Variants in CGGBP1 observed in about 807,000 individuals in gnomAD.
CGGBP1 encodes the protein CGG triplet repeat binding protein 1.
Under a neutral mutation model 11.4 loss-of-function variants are expected in CGGBP1, and 4 were observed. That is an observed-to-expected ratio of 0.35 (90% CI 0.17 to 0.80). The LOEUF (loss-of-function observed/expected upper bound fraction) is 0.80, where lower values mean the gene tolerates loss of function less well. Among genes scored for constraint, CGGBP1 ranks in the 30% least tolerant of loss-of-function variants. The pLI, the probability that CGGBP1 is intolerant of heterozygous loss-of-function variation, is 0.52. For missense variants in CGGBP1, 135 were observed against 202.1 expected, an observed-to-expected ratio of 0.67 and a Z score of 2.01; for synonymous variants, 76 against 74.1, an observed-to-expected ratio of 1.03 and a Z score of -0.13.
upstream of CGGBP1, among the ~76,000 whole-genome samples, chr3:88,062,944 T>C (rs1033320046): frequency 2.0e-5 from 3 of 152,234 alleles, no homozygotes; most frequent in African/African-American, 7.2e-5. Context: ...AATTTGTGTT[T>C]CGCAGTAAAC....
chr3:88,075,216 T>G (rs1392221249), intron 2 of CGGBP1, among the ~76,000 whole-genome samples: 5 of 152,250 alleles, frequency 3.3e-5, no homozygotes, highest in African/African-American at 1.2e-4. Context: ...TGGCACCACT[T>G]CTACTAGCTG....
Position 88,055,322 on chromosome 3 carries a change from G to GT in CGGBP1, c.*150dup, listed in dbSNP as rs878955184. 6,451 of 565,650 alleles carry GT rather than the reference G, an allele frequency of 0.011. 1 individual carries two copies. Among genetic ancestry groups the GT allele is most frequent in the East Asian group, 0.021 (571 of 27,082 alleles). 35.0% of individuals were successfully genotyped at this position (565,650 alleles called of 1,614,324 possible). On this transcript the variant is annotated 3_prime_UTR_variant, in exon 4 of 4. Coordinates refer to ENST00000482016, the MANE Select transcript of CGGBP1 (RefSeq NM_001008390.2). The surrounding 1 kb of genome is among the most constrained non-coding windows in gnomAD (Gnocchi z 4.2). ...TAACAATAAGTTTTGCAGTGAGGTGGTTTTTTTTTTGCCTGCAACTATATA... is the reference window on the plus strand; with the variant it reads ...TAACAATAAGTTTTGCAGTGAGGTGGTTTTTTTTTTTGCCTGCAACTATATA...
chr3:88,131,470 T>C lies in CGGBP1; in HGVS notation c.-229+9500A>G, dbSNP rs1345278628. On this transcript the variant is annotated intron_variant, in intron 2 of 3. Transcript: ENST00000462901. ...ACTATTTAAACAGGGTATCTTTAGT[T>C]CTTTCATTGTAATATACTCATAAAT... Among the ~76,000 whole-genome samples, 16 of 152,304 alleles carry C rather than the reference T, an allele frequency of 1.1e-4. No individual in the cohort carries two copies. In the South Asian group the frequency reaches 2.9e-3, roughly 28 times the overall value.
intron 2 of CGGBP1, among the ~76,000 whole-genome samples, chr3:88,072,027 G>T (rs1435393860): frequency 1.3e-5 from 2 of 152,054 alleles, no homozygotes; most frequent in Admixed American, 6.6e-5. Context: ...GATATCTTAG[G>T]CATAAATCTA....
intron 2 of CGGBP1, among the ~76,000 whole-genome samples, chr3:88,077,227 C>T (rs1366876382): frequency 6.6e-6 from 1 of 152,084 alleles, no homozygotes; most frequent in African/African-American, 2.4e-5. Flanking sequence ...TTAGCCTTCT[C>T]AACTCATCTC....
At chr3:88,106,705 G>A (rs760120143) in intron 2 of CGGBP1, among the ~76,000 whole-genome samples, 93 of 152,068 alleles carry the variant, frequency 6.1e-4, no homozygotes, top group Non-Finnish European at 2.1e-4. Flanking sequence ...TTTTTAAGCT[G>A]TGTAGATTTT....
chr3:88,088,761 T>TGTATGG (rs1559701696), intron 2 of CGGBP1, among the ~76,000 whole-genome samples: 1 of 126,428 alleles, frequency 7.9e-6, no homozygotes, highest in Admixed American at 7.7e-5. Flanking sequence ...TGTATGTATG[T>TGTATGG]ATGGATGGAT....
intron 2 of CGGBP1, chr3:88,135,113 C>A: frequency 6.8e-7 from 1 of 1,478,306 alleles, no homozygotes; most frequent in South Asian, 1.4e-5. Context: ...TCCTTCAAAA[C>A]AAGTTTTTGT....
chr3:88,131,077 G>C (rs1332520273), intron 2 of CGGBP1, among the ~76,000 whole-genome samples: 1 of 152,110 alleles, frequency 6.6e-6, no homozygotes, highest in Non-Finnish European at 1.5e-5. Context: ...TACAAACCTA[G>C]ATGGTATATC....
At chr3:88,108,888 A>G (rs1404702039) in intron 2 of CGGBP1, among the ~76,000 whole-genome samples, 2 of 152,138 alleles carry the variant, frequency 1.3e-5, no homozygotes, top group East Asian at 1.9e-4. Flanking sequence ...CAAATTTCCT[A>G]TCTCTGAAAT....
At chr3:88,146,677 C>T (rs1453617460) in intron 1 of CGGBP1, among the ~76,000 whole-genome samples, 1 of 152,108 alleles carries the variant, frequency 6.6e-6, no homozygotes, top group South Asian at 2.1e-4. Flanking sequence ...AAACCCCGCA[C>T]CTACCCTCAT....
intron 1 of CGGBP1, among the ~76,000 whole-genome samples, chr3:88,147,946 T>C (rs143868265): frequency 1.4e-3 from 215 of 152,286 alleles, no homozygotes; most frequent in Non-Finnish European, 2.6e-3. Context: ...TGTCAACAGT[T>C]CTATGATTAA....
intron 2 of CGGBP1, among the ~76,000 whole-genome samples, chr3:88,134,377 T>A (rs1706647498): frequency 6.6e-6 from 1 of 152,116 alleles, no homozygotes; most frequent in African/African-American, 2.4e-5. Context: ...TACACTTTTA[T>A]GACATGTTTT....
At chr3:88,074,330 C>T (rs1450365281) in intron 2 of CGGBP1, among the ~76,000 whole-genome samples, 10 of 133,526 alleles carry the variant, frequency 7.5e-5, no homozygotes, top group African/African-American at 2.4e-4. Context: ...CTTCCAGGCT[C>T]TTTTTATATC....
chr3:88,060,753 CTTTCAATGCTTGTAAGGGATTT>C (rs1317515556), upstream of CGGBP1, among the ~76,000 whole-genome samples: 2 of 152,054 alleles, frequency 1.3e-5, no homozygotes, highest in Non-Finnish European at 2.9e-5. Context: ...GCTGACATTT[CTTTCAATGCTTGTAAGGGATTT>C]TTTCAATGCT....
At chr3:88,075,282 C>T (rs1707738833) in intron 2 of CGGBP1, among the ~76,000 whole-genome samples, 1 of 152,196 alleles carries the variant, frequency 6.6e-6, no homozygotes, top group Non-Finnish European at 1.5e-5. Flanking sequence ...ATAGTCATTT[C>T]CTTGCAGCCT....
chr3:88,133,750 G>T (rs1306735570), intron 2 of CGGBP1, among the ~76,000 whole-genome samples: 1 of 152,088 alleles, frequency 6.6e-6, no homozygotes, highest in Non-Finnish European at 1.5e-5. Context: ...CACGGAGGCT[G>T]AAAACAGATC....
At chr3:88,136,134 A>G (rs2107871174) in intron 2 of CGGBP1, among the ~76,000 whole-genome samples, 1 of 152,288 alleles carries the variant, frequency 6.6e-6, no homozygotes, top group Non-Finnish European at 1.5e-5. Context: ...AACACGTCTT[A>G]ACATTTGATG....
intron 2 of CGGBP1, among the ~76,000 whole-genome samples, chr3:88,082,064 A>G (rs1275585009): frequency 6.6e-6 from 1 of 152,110 alleles, no homozygotes; most frequent in Non-Finnish European, 1.5e-5. Context: ...GGAGTGTATC[A>G]CAGCCATTCT....
Sources: gnomAD v4.1 joint callset for allele counts (sites outside exome capture counted in the v4.1 genomes callset) on GRCh38, gnomAD v4.1.1 for gene constraint, Gnocchi (gnomAD v3.1) non-coding constraint, MANE v1.5 for transcripts, NCBI Gene and HGNC (gene_info 2026-07-23, HGNC 2026-07-21) for gene names.